The following ST7 variants were observed in gnomAD, a reference collection of about 807,000 sequenced individuals.
ST7 encodes suppression of tumorigenicity 7.
In ST7, 28 loss-of-function variants were observed where a neutral mutation model predicts 78.7. The ratio of observed to expected loss-of-function variants is 0.36; its 90% CI spans 0.26 to 0.49. The LOEUF (loss-of-function observed/expected upper bound fraction) is 0.49. Ranked by LOEUF, ST7 falls within the 20% of genes least tolerant of loss-of-function variation. The pLI is 0.99. For synonymous variants in ST7, 247 were observed against 249.6 expected, an observed-to-expected ratio of 0.99 and a Z score of 0.10; for missense variants, 418 against 696.0, an observed-to-expected ratio of 0.60 and a Z score of 4.49.
At chr7:116,987,675 C>T (rs978455540) in intron 1 of ST7, among the ~76,000 whole-genome samples, 34 of 152,328 alleles carry the variant, frequency 2.2e-4, no homozygotes, top group South Asian at 8.3e-4. Context: ...CTCTTGTTCA[C>T]GTCTGGCATC....
intron 3 of ST7, among the ~76,000 whole-genome samples, chr7:117,120,665 C>G (rs1803295536): frequency 6.6e-6 from 1 of 152,202 alleles, no homozygotes; most frequent in African/African-American, 2.4e-5. Flanking sequence ...TCCTGGGAAG[C>G]CTTCTCTGAT....
intron 1 of ST7, among the ~76,000 whole-genome samples, chr7:116,985,531 AT>A (rs145596514): frequency 0.048 from 7,326 of 152,252 alleles, 585 homozygotes; most frequent in African/African-American, 0.17. Context: ...ATATAAAGCA[AT>A]TTTTGTTTTA....
At chr7:117,162,254 ATATGGCAAGGATT>A (rs1238716749) in intron 9 of ST7, among the ~76,000 whole-genome samples, 1 of 152,124 alleles carries the variant, frequency 6.6e-6, no homozygotes, top group East Asian at 1.9e-4. Context: ...GATGCCTAGC[ATATGGCAAGGATT>A]TCATATTTGT....
intron 1 of ST7, among the ~76,000 whole-genome samples, chr7:117,096,576 C>A (rs946928345): frequency 1.3e-5 from 2 of 152,178 alleles, no homozygotes; most frequent in Non-Finnish European, 2.9e-5. Context: ...AGCTTGGGGG[C>A]AGGTTGACTG....
At chr7:117,073,152 G>A (rs936349757) in intron 1 of ST7, 1 of 152,266 alleles carries the variant, frequency 6.6e-6, no homozygotes, top group Non-Finnish European at 1.5e-5. Context: ...TGTAAAAAAG[G>A]CAGAATAAAA....
rs558707210 is a variant in ST7 at position 117,209,721 on chromosome 7, A to G, written c.1255-66A>G. On this transcript the variant is annotated intron_variant, in intron 12 of 15. Coordinates refer to ENST00000323984, the MANE Select transcript of ST7 (RefSeq NM_001369598.1). ...TGGCTTTAGGGAAATCAACTGCTCTATTTTCAATACTGAATTCTAAATTAC... is the reference window on the plus strand; with the variant it reads ...TGGCTTTAGGGAAATCAACTGCTCTGTTTTCAATACTGAATTCTAAATTAC... 1.0e-4 allele frequency: 157 copies of G among 1,551,256 alleles called. No homozygotes were observed. The East Asian group carries it at 2.2e-3, about 21-fold the overall frequency.
chr7:117,111,351 G>A (rs983686004), intron 2 of ST7, among the ~76,000 whole-genome samples: 3 of 152,206 alleles, frequency 2.0e-5, no homozygotes, highest in Non-Finnish European at 4.4e-5. Flanking sequence ...GGCTGACCCT[G>A]GGGAAATTGA....
intron 2 of ST7, among the ~76,000 whole-genome samples, chr7:117,113,621 G>A (rs1802615378): frequency 1.3e-5 from 2 of 152,156 alleles, no homozygotes; most frequent in Admixed American, 6.5e-5. Flanking sequence ...AGAATAGGCA[G>A]GAACCATATC....
At chr7:117,096,067 C>CAAAAAAAAAAAAAAAAAAAAAA (rs35970973) in intron 1 of ST7, among the ~76,000 whole-genome samples, 1 of 35,674 alleles carries the variant, frequency 2.8e-5, no homozygotes, top group African/African-American at 1.0e-4. Context: ...GATTCTGCCT[C>CAAAAAAAAAAAAAAAAAAAAAA]AAAAAAAAAA....
intron 9 of ST7, among the ~76,000 whole-genome samples, chr7:117,161,497 G>T (rs1324426259): frequency 1.3e-5 from 2 of 149,326 alleles, no homozygotes; most frequent in Admixed American, 6.7e-5. Context: ...AAATAATATA[G>T]ATAAAGCTGT....
At chr7:117,099,071 AAAAAAG>A (rs1801363824) in intron 1 of ST7, among the ~76,000 whole-genome samples, 1 of 149,442 alleles carries the variant, frequency 6.7e-6, no homozygotes, top group African/African-American at 2.4e-5. Context: ...AAAAACAAAA[AAAAAAG>A]AAGAAGAAGA....
intron 3 of ST7, among the ~76,000 whole-genome samples, chr7:117,123,117 C>T (rs1373046333): frequency 6.6e-6 from 1 of 151,974 alleles, no homozygotes; most frequent in Non-Finnish European, 1.5e-5. Flanking sequence ...TATAACATGG[C>T]TCACAAAGTC....
chr7:117,093,994 G>A (rs1459961148), intron 1 of ST7, among the ~76,000 whole-genome samples: 1 of 152,054 alleles, frequency 6.6e-6, no homozygotes, highest in African/African-American at 2.4e-5. Flanking sequence ...GTCCATCTAG[G>A]CATTGCATAA....
rs149341728 is a variant in ST7, at chr7:117,120,858, A to G, written c.394+1138A>G. 7.3e-3 allele frequency among the ~76,000 whole-genome samples: 1,114 copies of G among 152,258 alleles called. 7 individuals are homozygous for G. The highest frequency in any genetic ancestry group is 0.02 in the Middle Eastern group (6 of 294). ...CACTAAGAATAGCATCAACATTTAT[A>G]TAAAGAATAAGGCTTAATCAAGGCA... On this transcript the variant is annotated intron_variant, in intron 3 of 15. Transcript: ENST00000323984.
chr7:117,223,012 C>T, intron 15 of ST7: 1 of 1,472,064 alleles, frequency 6.8e-7, no homozygotes, highest in Non-Finnish European at 9.5e-7. Context: ...ACCACCAAAA[C>T]TGCTCCTCCT....
intron 3 of ST7, among the ~76,000 whole-genome samples, chr7:117,120,805 T>G (rs1803309275): frequency 6.6e-6 from 1 of 152,230 alleles, no homozygotes; most frequent in Admixed American, 6.5e-5. Flanking sequence ...GTGTCTACTA[T>G]TTCTTTGAAA....
chr7:117,136,561 T>C, intron 8 of ST7: 1 of 502,032 alleles, frequency 2.0e-6, no homozygotes, highest in Non-Finnish European at 3.5e-6. Context: ...TGCTCACAAC[T>C]TTAAAACCCA....
chr7:117,062,703 G>C (rs1417675997), intron 1 of ST7, among the ~76,000 whole-genome samples: 1 of 152,070 alleles, frequency 6.6e-6, no homozygotes, highest in African/African-American at 2.4e-5. Flanking sequence ...TTTATCATGG[G>C]TAAGTTAAAT....
Position 117,229,848 on chromosome 7 carries a change from A to C in ST7, c.1725A>C (p.Thr575=). ...ILPSSLWHQL[T]RI ...CATCCAGTCTGTGGCACCAGCTAAC[A>C]CGGATCTGAGAGAAGCCCTGTCCTC... is the stretch of plus-strand genomic sequence containing the variant. The change falls in exon 16 of 16, where the codon ACA becomes ACC. Residue 575 remains threonine (T), a synonymous_variant. Transcript: ENST00000323984. 1 of 1,614,054 alleles carries C rather than the reference A, an allele frequency of 6.2e-7. No homozygotes were observed. Among genetic ancestry groups the C allele is most frequent in the Non-Finnish European group, 8.5e-7 (1 of 1,179,952 alleles).
Sources: gnomAD v4.1 joint callset for allele counts (sites outside exome capture counted in the v4.1 genomes callset) on GRCh38, gnomAD v4.1.1 for gene constraint, MANE v1.5 for transcripts, NCBI Gene and HGNC (gene_info 2026-07-23, HGNC 2026-07-21) for gene names.